Variants in AASS observed in about 807,000 individuals in gnomAD.
AASS encodes aminoadipate-semialdehyde synthase, also known as alpha-aminoadipic semialdehyde synthase, mitochondrial.
A neutral mutation model predicts 105.4 loss-of-function variants in AASS; 86 were observed. The observed-to-expected ratio is 0.82, with a 90% CI of 0.69 to 0.98. The LOEUF is 0.98. Among genes scored for constraint, AASS ranks in the 50% least tolerant of loss-of-function variants. AASS has a pLI of 0.00. For missense variants in AASS, 1,048 were observed against 1,143.2 expected, an observed-to-expected ratio of 0.92 and a Z score of 1.20; for synonymous variants, 381 against 394.8, an observed-to-expected ratio of 0.96 and a Z score of 0.41.
intron 23 of AASS, 56 bp from the exon 24 acceptor site, chr7:122,076,663 TC>T: frequency 7.5e-7 from 1 of 1,331,104 alleles, no homozygotes; most frequent in Admixed American, 1.7e-5. Context: ...GAGGTTAATT[TC>T]CCCATCAAGA....
At chr7:122,127,872 C>T (rs279707) in intron 3 of AASS, among the ~76,000 whole-genome samples, 14,936 of 152,026 alleles carry the variant, frequency 0.098, 989 homozygotes, top group African/African-American at 0.18. Context: ...CAGGAGAAGC[C>T]GCCCTCCTGA....
intron 3 of AASS, among the ~76,000 whole-genome samples, chr7:122,128,971 A>T (rs1188116703): frequency 6.6e-6 from 1 of 152,054 alleles, no homozygotes; most frequent in African/African-American, 2.4e-5. Context: ...CCAGCTCCTC[A>T]GGAGGCTGAG....
intron 4 of AASS, among the ~76,000 whole-genome samples, chr7:122,124,416 G>A (rs146549386): frequency 9.7e-4 from 148 of 152,258 alleles, no homozygotes; most frequent in African/African-American, 2.8e-3. Flanking sequence ...CCAAGTAGCT[G>A]GGATTACAGG....
At chr7:122,078,381 A>T (rs1300059420) in intron 22 of AASS, among the ~76,000 whole-genome samples, 1 of 152,116 alleles carries the variant, frequency 6.6e-6, no homozygotes, top group African/African-American at 2.4e-5. Flanking sequence ...TGGGAGGCTA[A>T]GGTGGGCGGA....
At chr7:122,085,881 T>G (rs1179324976) in intron 19 of AASS, 131 bp downstream of exon 19, 1 of 995,698 alleles carries the variant, frequency 1.0e-6, no homozygotes, top group East Asian at 2.6e-5. Context: ...CAATCAATCA[T>G]AAGATTCCTG....
intron 1 of AASS, among the ~76,000 whole-genome samples, chr7:122,139,480 G>T (rs187810420): frequency 1.7e-4 from 26 of 152,086 alleles, no homozygotes; most frequent in African/African-American, 6.0e-4. Flanking sequence ...GAATAGTGAG[G>T]CCCATAGAAA....
At chr7:122,107,806 G>T (rs895139761) in intron 11 of AASS, among the ~76,000 whole-genome samples, 1 of 151,952 alleles carries the variant, frequency 6.6e-6, no homozygotes, top group Admixed American at 6.6e-5. Flanking sequence ...TAATACCCTG[G>T]TGATGAAATA....
chr7:122,128,836 T>C (rs1337768078), intron 3 of AASS, among the ~76,000 whole-genome samples: 4 of 152,144 alleles, frequency 2.6e-5, no homozygotes, highest in Non-Finnish European at 5.9e-5. Context: ...CCCAGCACTT[T>C]GGAAGGCTGA....
intron 4 of AASS, among the ~76,000 whole-genome samples, chr7:122,120,652 T>A (rs1795397997): frequency 6.6e-6 from 1 of 152,004 alleles, no homozygotes; most frequent in South Asian, 2.1e-4. Flanking sequence ...GCACAAATTA[T>A]TAATTTAAAA....
chr7:122,079,232 A>G, intron 21 of AASS: 1 of 1,369,450 alleles, frequency 7.3e-7, no homozygotes, highest in South Asian at 1.5e-5. Flanking sequence ...ATTAATTTAT[A>G]GGTTAGTTCT....
intron 11 of AASS, among the ~76,000 whole-genome samples, chr7:122,110,266 G>T (rs1435627226): frequency 1.3e-5 from 2 of 150,850 alleles, no homozygotes; most frequent in African/African-American, 2.4e-5. Flanking sequence ...AAAACAGAAG[G>T]CATACCCAAC....
At chr7:122,093,234 G>T in intron 15 of AASS, 76 bp from the exon 16 acceptor site, 1 of 1,068,760 alleles carries the variant, frequency 9.4e-7, no homozygotes, top group Non-Finnish European at 1.5e-6. Context: ...CTGTATTAAA[G>T]CTGCATCTTA....
Position 122,138,178 on chromosome 7 carries a change from T to G in AASS, c.-15-4437A>C, listed in dbSNP as rs73426057. ...ACACCACTAAGGTATACATTTTTAT[T>G]TACCTAAAATTGATGAGGAATTTGA... is the stretch of plus-strand genomic sequence containing the variant. On this transcript the variant is annotated intron_variant, in intron 1 of 23. Transcript: ENST00000417368. Among the ~76,000 whole-genome samples, 622 of 152,286 alleles carry G rather than the reference T, an allele frequency of 4.1e-3. 7 individuals are homozygous for G. Among genetic ancestry groups the G allele is most frequent in the African/African-American group, 0.014 (592 of 41,556 alleles).
chr7:122,123,487 A>C (rs1371598349), intron 4 of AASS, among the ~76,000 whole-genome samples: 2 of 152,236 alleles, frequency 1.3e-5, no homozygotes, highest in Non-Finnish European at 2.9e-5. Context: ...CAGGATAGTA[A>C]GTCTGACCTC....
At chr7:122,083,734 G>T (rs1314389924) in intron 19 of AASS, among the ~76,000 whole-genome samples, 1 of 152,068 alleles carries the variant, frequency 6.6e-6, no homozygotes, top group Non-Finnish European at 1.5e-5. Context: ...GAAGGAGTTA[G>T]GGAGGATACC....
chr7:122,140,485 CAAAAAAA>C (rs57828681), intron 1 of AASS, among the ~76,000 whole-genome samples: 22 of 37,328 alleles, frequency 5.9e-4, no homozygotes, highest in South Asian at 5.0e-3. Context: ...GACTCAGTCT[CAAAAAAA>C]AAAAAAAAAA....
rs146709697 is a variant in AASS, at chr7:122,142,408, C to T, written c.-16+1753G>A. Reference sequence around the variant, plus strand: ...CACTGTAGTAAGACCTTCACGATGGCTCCATATTAATCCCCCACCCTTACA... The same window carrying T: ...CACTGTAGTAAGACCTTCACGATGGTTCCATATTAATCCCCCACCCTTACA... On this transcript the variant is annotated intron_variant, in intron 1 of 23. Coordinates refer to ENST00000417368, the MANE Select transcript of AASS (RefSeq NM_005763.4). Among the ~76,000 whole-genome samples the T allele has an allele frequency of 5.1e-4, 77 of 152,252 alleles. No individual in the cohort carries two copies. In the East Asian group the frequency reaches 0.014, roughly 27 times the overall value.
At chr7:122,135,810 G>A (rs1283590494) in intron 1 of AASS, among the ~76,000 whole-genome samples, 2 of 152,018 alleles carry the variant, frequency 1.3e-5, no homozygotes, top group African/African-American at 4.8e-5. Context: ...CCAAATTAAA[G>A]AAATTAAAGT....
Position 122,075,326 on chromosome 7 carries a change from G to GT in AASS, c.*1162dup, listed in dbSNP as rs1792951018. 6.6e-6 allele frequency among the ~76,000 whole-genome samples: 1 copy of GT among 152,048 alleles called. No homozygotes were observed. Among genetic ancestry groups the GT allele is most frequent in the Non-Finnish European group, 1.5e-5 (1 of 68,018 alleles). ...AAATCATGCCTTTGGATTTTCTATAGTTTTCCCTTGGATTACTATGCACAA... is the reference window on the plus strand; with the variant it reads ...AAATCATGCCTTTGGATTTTCTATAGTTTTTCCCTTGGATTACTATGCACAA... On this transcript the variant is annotated 3_prime_UTR_variant, in exon 24 of 24. Transcript: ENST00000417368.
Sources: gnomAD v4.1 joint callset for allele counts (sites outside exome capture counted in the v4.1 genomes callset) on GRCh38, gnomAD v4.1.1 for gene constraint, MANE v1.5 for transcripts, NCBI Gene and HGNC (gene_info 2026-07-23, HGNC 2026-07-21) for gene names.